CSMD3: variants seen among roughly 807,000 people sequenced by gnomAD.
CSMD3 encodes CUB and Sushi multiple domains 3.
In CSMD3, 177 loss-of-function variants were observed where a neutral mutation model predicts 435.2. That is an observed-to-expected ratio of 0.41 (90% CI 0.36 to 0.46). CSMD3 has a LOEUF of 0.46. CSMD3 is among the 20% of genes least tolerant of loss of function. The pLI is 0.34. For missense variants in CSMD3, 4,265 were observed against 4,504.6 expected, an observed-to-expected ratio of 0.95 and a Z score of 1.52; for synonymous variants, 1,656 against 1,520.5, an observed-to-expected ratio of 1.09 and a Z score of -2.07.
Position 112,598,927 on chromosome 8 carries a change from C to T in CSMD3, c.3716-11692G>A, listed in dbSNP as rs1379457625. ...AAACCATAAAAACCCTAGAAGAAAA[C>T]CTAGGCAGTACCATTCAGGACATAG... On this transcript the variant is annotated intron_variant, in intron 22 of 70. Coordinates refer to ENST00000297405, the MANE Select transcript of CSMD3 (RefSeq NM_198123.2). Among the ~76,000 whole-genome samples the T allele has an allele frequency of 6.9e-3, 1,045 of 151,618 alleles. 17 individuals are homozygous for T. Among genetic ancestry groups the T allele is most frequent in the African/African-American group, 0.024 (986 of 41,416 alleles).
At chr8:112,931,463 A>T (rs2130708801) in intron 9 of CSMD3, among the ~76,000 whole-genome samples, 1 of 152,056 alleles carries the variant, frequency 6.6e-6, no homozygotes, top group South Asian at 2.1e-4. Context: ...TTAAAGACTT[A>T]AATGTAAAAT....
chr8:112,643,811 C>T (rs1387442018), intron 20 of CSMD3, among the ~76,000 whole-genome samples: 1 of 151,994 alleles, frequency 6.6e-6, no homozygotes, highest in Non-Finnish European at 1.5e-5. Flanking sequence ...ATATTTAATT[C>T]ATTGTAGAAA....
intron 3 of CSMD3, among the ~76,000 whole-genome samples, chr8:113,189,780 C>G (rs925043581): frequency 6.6e-6 from 1 of 151,718 alleles, no homozygotes; most frequent in Non-Finnish European, 1.5e-5. Flanking sequence ...CTAACTTTTC[C>G]TGTTGAAAAA....
intron 63 of CSMD3, among the ~76,000 whole-genome samples, chr8:112,253,681 A>G (rs1489084346): frequency 6.6e-6 from 1 of 152,054 alleles, no homozygotes; most frequent in East Asian, 1.9e-4. Context: ...AGAGAGAACA[A>G]GAAAGTCAGC....
intron 12 of CSMD3, among the ~76,000 whole-genome samples, chr8:112,811,302 GA>G (rs1304950983): frequency 2.6e-5 from 4 of 151,894 alleles, no homozygotes; most frequent in Admixed American, 6.6e-5. Flanking sequence ...AAAGGTAAGA[GA>G]ACTCCCCCAA....
chr8:113,129,379 A>T (rs1228069153), intron 4 of CSMD3, among the ~76,000 whole-genome samples: 13 of 152,128 alleles, frequency 8.5e-5, no homozygotes, highest in African/African-American at 3.1e-4. Flanking sequence ...TCCTTCAGAG[A>T]TCCAATGATA....
At chr8:113,049,679 T>C (rs893084489) in intron 5 of CSMD3, among the ~76,000 whole-genome samples, 7 of 152,214 alleles carry the variant, frequency 4.6e-5, no homozygotes, top group African/African-American at 1.4e-4. Flanking sequence ...TTTTCAATTG[T>C]ATGGAAGCTT....
chr8:112,254,710 T>C (rs1408487131), intron 62 of CSMD3, among the ~76,000 whole-genome samples: 1 of 152,046 alleles, frequency 6.6e-6, no homozygotes, highest in Non-Finnish European at 1.5e-5. Flanking sequence ...TTTGAAGAAA[T>C]AACAGTTTTT....
intron 27 of CSMD3, among the ~76,000 whole-genome samples, chr8:112,518,640 G>T (rs2130999446): frequency 6.6e-6 from 1 of 151,816 alleles, no homozygotes; most frequent in African/African-American, 2.4e-5. Flanking sequence ...GAGAGAGAGA[G>T]AGAGAGAGAG....
intron 13 of CSMD3, among the ~76,000 whole-genome samples, chr8:112,744,094 T>C (rs1038781034): frequency 4.6e-5 from 7 of 152,074 alleles, no homozygotes; most frequent in South Asian, 2.1e-4. Flanking sequence ...GGAATGAACA[T>C]TTAAAAAAAT....
At chr8:112,682,254 C>G (rs1226463350) in intron 16 of CSMD3, among the ~76,000 whole-genome samples, 188 bp downstream of exon 16, 1 of 152,010 alleles carries the variant, frequency 6.6e-6, no homozygotes, top group Non-Finnish European at 1.5e-5. Context: ...TAAAAGGTTT[C>G]TAAAAATTTG....
intron 23 of CSMD3, among the ~76,000 whole-genome samples, chr8:112,581,869 C>T (rs1214243389): frequency 6.6e-6 from 1 of 151,890 alleles, no homozygotes; most frequent in Non-Finnish European, 1.5e-5. Flanking sequence ...TAGGAGGGCC[C>T]ATTGAAGACT....
intron 31 of CSMD3, among the ~76,000 whole-genome samples, chr8:112,488,187 T>C (rs933771473): frequency 7.2e-5 from 11 of 152,202 alleles, no homozygotes; most frequent in Admixed American, 7.2e-4. Context: ...TCTTCAGATT[T>C]AACATATACA....
Position 112,515,758 on chromosome 8 carries a change from AC to A in CSMD3, c.4756+1275del, listed in dbSNP as rs543618014. On this transcript the variant is annotated intron_variant, in intron 28 of 70. Transcript: ENST00000297405. Reference sequence around the variant, plus strand: ...AGCAGAGATCTAGAACTGTCCGTCTACTGCCTGGCTGGTTTGGGCCTTTTTA... The same window carrying A: ...AGCAGAGATCTAGAACTGTCCGTCTATGCCTGGCTGGTTTGGGCCTTTTTA... Among the ~76,000 whole-genome samples the A allele has an allele frequency of 2.6e-5, 4 of 152,158 alleles. No homozygotes were observed. In the South Asian group the frequency reaches 8.3e-4, roughly 32 times the overall value.
intron 13 of CSMD3, among the ~76,000 whole-genome samples, chr8:112,780,072 T>G (rs949426638): frequency 7.9e-5 from 12 of 152,054 alleles, no homozygotes; most frequent in African/African-American, 2.7e-4. Flanking sequence ...ATTATTGACA[T>G]TGAGGGGAAA....
At chr8:113,401,085 GA>G (rs1302474253) in intron 1 of CSMD3, among the ~76,000 whole-genome samples, 1 of 151,578 alleles carries the variant, frequency 6.6e-6, no homozygotes, top group Non-Finnish European at 1.5e-5. Flanking sequence ...AAGATAAAAA[GA>G]AAAAATACAT....
chr8:112,721,718 A>G (rs1463679935), intron 13 of CSMD3, among the ~76,000 whole-genome samples: 2 of 152,288 alleles, frequency 1.3e-5, no homozygotes, highest in East Asian at 3.9e-4. Flanking sequence ...TAGTAGAGAA[A>G]AGAAACATCG....
At chr8:113,179,542 T>G in intron 3 of CSMD3, among the ~76,000 whole-genome samples, 1 of 151,776 alleles carries the variant, frequency 6.6e-6, no homozygotes, top group East Asian at 1.9e-4. Flanking sequence ...TATAAACAAA[T>G]TCACAGAAAG....
chr8:112,849,835 A>C (rs552764752), intron 11 of CSMD3, among the ~76,000 whole-genome samples: 4 of 152,152 alleles, frequency 2.6e-5, no homozygotes, highest in African/African-American at 9.6e-5. Flanking sequence ...AAAAGCTAAA[A>C]TTCCAGACTA....
Sources: allele counts gnomAD v4.1 joint callset (sites outside exome capture counted in the v4.1 genomes callset), GRCh38; gene constraint gnomAD v4.1.1; transcripts MANE v1.5; gene names NCBI Gene and HGNC (gene_info 2026-07-23, HGNC 2026-07-21).